Variants in MAGEA11 observed in about 807,000 individuals in gnomAD.
The protein encoded by MAGEA11 is melanoma-associated antigen 11.
MAGEA11 carries 1 observed loss-of-function variant against 8.4 expected under a neutral mutation model. The ratio of observed to expected loss-of-function variants is 0.12; its 90% CI spans 0.04 to 0.57. The LOEUF (loss-of-function observed/expected upper bound fraction) is 0.57. MAGEA11 is among the 20% of genes least tolerant of loss of function. The pLI, the probability that MAGEA11 is intolerant of heterozygous loss-of-function variation, is 0.91. For missense variants in MAGEA11, 209 were observed against 317.3 expected (o/e 0.66, Z 2.59); for synonymous variants, 127 against 119.3 (o/e 1.06, Z -0.42).
chrX:149,696,534 C>T (rs1314937603), intron 1 of MAGEA11, among the ~76,000 whole-genome samples: 3 of 110,889 alleles, frequency 2.7e-5, no homozygotes, highest in Non-Finnish European at 5.7e-5. Context: ...CCTGAGATGG[C>T]AGGAGAAGAA....
At chrX:149,696,708 A>C (rs1230440302) in intron 1 of MAGEA11, among the ~76,000 whole-genome samples, 1 of 111,356 alleles carries the variant, frequency 9.0e-6, no homozygotes, top group East Asian at 2.9e-4. Context: ...ACCAATGCCA[A>C]GGCCATCTGA....
chrX:149,699,529 G>A (rs782515556), intron 1 of MAGEA11, among the ~76,000 whole-genome samples: 3 of 111,708 alleles, frequency 2.7e-5, no homozygotes, highest in Non-Finnish European at 3.8e-5. Context: ...ACTTATTGAA[G>A]CTGTGCAACA....
At chrX:149,702,445 A>AT (rs2090358494) in intron 1 of MAGEA11, among the ~76,000 whole-genome samples, 1 of 111,355 alleles carries the variant, frequency 9.0e-6, no homozygotes, top group African/African-American at 3.3e-5. Flanking sequence ...AACAACTTTT[A>AT]TTTTAAAGTC....
chrX:149,709,893 G>A (rs1166713378), upstream of MAGEA11, among the ~76,000 whole-genome samples: 1 of 111,911 alleles, frequency 8.9e-6, no homozygotes, highest in African/African-American at 3.3e-5. Flanking sequence ...ATTCATGTCA[G>A]GCACAGGTCA....
chrX:149,688,776 G>A (rs2090298588), upstream of MAGEA11: 1 of 279,725 alleles, frequency 3.6e-6, no homozygotes, highest in African/African-American at 2.8e-5. Flanking sequence ...GTCAGGAAGG[G>A]TATAGCTGGC....
At chrX:149,706,272 T>G (rs1557361465) in intron 1 of MAGEA11, among the ~76,000 whole-genome samples, 1 of 112,069 alleles carries the variant, frequency 8.9e-6, no homozygotes, top group Non-Finnish European at 1.9e-5. Flanking sequence ...AGGAGTATAC[T>G]AATGACCACA....
At position 149,714,393 on chromosome X, in the gene MAGEA11, G is replaced by A. The variant is rs186000778; in HGVS notation, c.97-88G>A. 8.6e-4 allele frequency: 984 copies of A among 1,150,183 alleles called. 8 individuals carry two copies. The African/African-American group carries it at 0.016, about 19-fold the overall frequency. The allele number at this position is 1,150,183 out of a possible 1,213,427, so 94.8% of individuals were successfully genotyped here. A position where few individuals can be genotyped will look rare whatever the true frequency, so the allele number is the denominator to read the frequency against. ...ACTTTGGAATCCCCAGAACCGAAGGGTCCAGCCTCTGCTGTCAGCCCTGGA... is the reference window on the plus strand; with the variant it reads ...ACTTTGGAATCCCCAGAACCGAAGGATCCAGCCTCTGCTGTCAGCCCTGGA... On this transcript the variant is annotated intron_variant, in intron 2 of 4. Transcript: ENST00000355220.
At chrX:149,714,651 C>T in intron 3 of MAGEA11, 75 bp downstream of exon 3, 1 of 1,168,718 alleles carries the variant, frequency 8.6e-7, no homozygotes, top group Non-Finnish European at 1.1e-6. Flanking sequence ...CTGCTCTGCC[C>T]CTGCTGTCTC....
At chrX:149,711,628 C>G (rs1276074484), upstream of MAGEA11, 1 of 113,951 alleles carries the variant, frequency 8.8e-6, no homozygotes, top group East Asian at 2.8e-4. Context: ...GGAGGACCCT[C>G]CTGAGTGAGG....
At chrX:149,692,542 G>T in intron 1 of MAGEA11, among the ~76,000 whole-genome samples, 1 of 111,845 alleles carries the variant, frequency 8.9e-6, no homozygotes, top group East Asian at 2.8e-4. Flanking sequence ...CATTTGTATT[G>T]AGTAAAGTTT....
intron 1 of MAGEA11, 43 bp from the exon 2 acceptor site, chrX:149,713,100 C>G (rs782085015): frequency 5.0e-5 from 45 of 902,857 alleles, no homozygotes; most frequent in African/African-American, 4.3e-4. Context: ...ACAGCCCCCC[C>G]CCATAGTCCC....
At chrX:149,704,187 T>C (rs2090366142) in intron 1 of MAGEA11, among the ~76,000 whole-genome samples, 1 of 111,978 alleles carries the variant, frequency 8.9e-6, no homozygotes, top group African/African-American at 3.3e-5. Context: ...TCCTGTTCTA[T>C]CCATATGACA....
chrX:149,692,662 C>T (rs1216989830), intron 1 of MAGEA11, among the ~76,000 whole-genome samples: 3 of 111,920 alleles, frequency 2.7e-5, no homozygotes, highest in Middle Eastern at 4.6e-3. Context: ...CTTGATACTT[C>T]TCTTCATGCA....
intron 1 of MAGEA11, among the ~76,000 whole-genome samples, chrX:149,706,581 C>G (rs782184261): frequency 4.4e-5 from 5 of 112,621 alleles, no homozygotes; most frequent in Admixed American, 9.4e-5. Context: ...ACCTCATCTT[C>G]TGCCAGTTCT....
chrX:149,708,769 A>T (rs782669037), upstream of MAGEA11, among the ~76,000 whole-genome samples: 4 of 111,179 alleles, frequency 3.6e-5, no homozygotes, highest in Admixed American at 9.5e-5. Context: ...ATCCAAGGTT[A>T]CTGAGTTGGT....
At chrX:149,715,575 T>C in intron 3 of MAGEA11, 29 bp from the exon 4 acceptor site, 1 of 1,100,686 alleles carries the variant, frequency 9.1e-7, no homozygotes, top group Non-Finnish European at 1.3e-6. Flanking sequence ...CAGCTGCATC[T>C]TGAGCAGCCT....
At chrX:149,711,211 G>A (rs1477274955), upstream of MAGEA11, among the ~76,000 whole-genome samples, 1 of 112,461 alleles carries the variant, frequency 8.9e-6, no homozygotes, top group Non-Finnish European at 1.9e-5. Context: ...GATTAAATTA[G>A]AGTATTGACC....
rs376903283 is a variant in MAGEA11, at chrX:149,716,789, A to G, written c.*13A>G. On this transcript the variant is annotated 3_prime_UTR_variant, in exon 5 of 5. Coordinates refer to ENST00000355220, the MANE Select transcript of MAGEA11 (RefSeq NM_005366.5). ...AGAGGGAGTCTGAGCATGAGATGCA[A>G]CCAGGGCCAGCGGGCAGGGAAATGG... The G allele has an allele frequency of 5.1e-6, 6 of 1,177,995 alleles. No homozygotes were observed. Among genetic ancestry groups the G allele is most frequent in the South Asian group, 2.0e-5 (1 of 51,025 alleles).
At chrX:149,711,694 C>T (rs782011156), upstream of MAGEA11, 6 of 280,885 alleles carry the variant, frequency 2.1e-5, no homozygotes, top group African/African-American at 5.9e-5. Flanking sequence ...TCGGTCCCTC[C>T]TGTCAGCCCC....
Sources: gnomAD v4.1 joint callset for allele counts (sites outside exome capture counted in the v4.1 genomes callset) on GRCh38, gnomAD v4.1.1 for gene constraint, MANE v1.5 for transcripts, NCBI Gene and HGNC (gene_info 2026-07-23, HGNC 2026-07-21) for gene names.